THSD4: variants seen among roughly 807,000 people sequenced by gnomAD.
The protein encoded by THSD4 is thrombospondin type-1 domain-containing protein 4.
In THSD4, 69 loss-of-function variants were observed where a neutral mutation model predicts 119.0. That is an observed-to-expected ratio of 0.58 (90% CI 0.48 to 0.71). The LOEUF is 0.71. Among genes scored for constraint, THSD4 ranks in the 30% least tolerant of loss-of-function variants. THSD4 has a pLI of 0.00. For missense variants in THSD4, 1,393 were observed against 1,391.1 expected (o/e 1.00, Z -0.02); for synonymous variants, 524 against 540.4 (o/e 0.97, Z 0.42).
intron 7 of THSD4, among the ~76,000 whole-genome samples, chr15:71,452,284 C>T (rs985411402): frequency 3.3e-5 from 5 of 152,138 alleles, no homozygotes; most frequent in East Asian, 1.9e-4. Context: ...CTCCCATTTT[C>T]CCATTTGGGA....
intron 7 of THSD4, among the ~76,000 whole-genome samples, chr15:71,604,334 A>G (rs1259612787): frequency 1.3e-5 from 2 of 152,230 alleles, no homozygotes; most frequent in Non-Finnish European, 2.9e-5. Context: ...GCATTTTTAT[A>G]ACACTTTGTA....
chr15:71,180,963 A>G (rs1286693928), intron 3 of THSD4, among the ~76,000 whole-genome samples: 2 of 152,186 alleles, frequency 1.3e-5, no homozygotes, highest in East Asian at 3.8e-4. Flanking sequence ...AAAAGGAGGA[A>G]GAAGACAGTG....
At chr15:71,219,844 G>T (rs948895975) in intron 4 of THSD4, among the ~76,000 whole-genome samples, 2 of 152,192 alleles carry the variant, frequency 1.3e-5, no homozygotes, top group Admixed American at 6.5e-5. Context: ...ATTCAAAAGA[G>T]GTCTGCCAGA....
chr15:71,391,910 T>C (rs1229629620), intron 6 of THSD4, among the ~76,000 whole-genome samples: 1 of 152,082 alleles, frequency 6.6e-6, no homozygotes, highest in Non-Finnish European at 1.5e-5. Context: ...GGAAATAGAA[T>C]AATGAGACCC....
At position 71,536,400 on chromosome 15, in the gene THSD4, T is replaced by C. The variant is rs1178474658; in HGVS notation, c.1153-124130T>C. The stretch of plus-strand genomic sequence containing the variant: ...CACATTTAAGGAACCTTGTGATTAA[T>C]TGTGCCTACCTTGATAATCTAAAAT... On this transcript the variant is annotated intron_variant, in intron 7 of 17. Transcript: ENST00000261862. Among the ~76,000 whole-genome samples the C allele has an allele frequency of 5.3e-5, 8 of 152,310 alleles. No homozygotes were observed. In the East Asian group the frequency reaches 1.5e-3, roughly 29 times the overall value.
chr15:71,377,890 A>ACCCACC (rs1566961428), intron 6 of THSD4, among the ~76,000 whole-genome samples: 4 of 87,458 alleles, frequency 4.6e-5, no homozygotes, highest in Admixed American at 1.2e-4. Flanking sequence ...ACACACACAC[A>ACCCACC]CACACACACA....
chr15:71,469,877 C>A (rs917724889), intron 7 of THSD4, among the ~76,000 whole-genome samples: 1 of 152,068 alleles, frequency 6.6e-6, no homozygotes, highest in Non-Finnish European at 1.5e-5. Flanking sequence ...ACCATTGAGC[C>A]AATCTAGTGG....
At chr15:71,338,926 C>T (rs2045524879) in intron 6 of THSD4, among the ~76,000 whole-genome samples, 1 of 152,108 alleles carries the variant, frequency 6.6e-6, no homozygotes, top group Admixed American at 6.6e-5. Context: ...CAGTGAAGAC[C>T]TGTCTGTCCT....
At chr15:71,776,348 A>G (rs1236583212) in intron 17 of THSD4, among the ~76,000 whole-genome samples, 3 of 152,248 alleles carry the variant, frequency 2.0e-5, no homozygotes, top group African/African-American at 7.2e-5. Context: ...GATCAGATCC[A>G]TTAGATATAA....
chr15:71,254,287 T>G (rs546179720), intron 5 of THSD4, among the ~76,000 whole-genome samples: 1 of 152,348 alleles, frequency 6.6e-6, no homozygotes, highest in East Asian at 1.9e-4. Flanking sequence ...TCTGTGTCAC[T>G]GTGGAGCCTT....
At chr15:71,713,200 C>G (rs1398745557) in intron 8 of THSD4, among the ~76,000 whole-genome samples, 4 of 152,190 alleles carry the variant, frequency 2.6e-5, no homozygotes. Context: ...ATGCTCTGGT[C>G]CCTCCCATTG....
intron 7 of THSD4, among the ~76,000 whole-genome samples, chr15:71,511,678 C>T (rs2048285627): frequency 6.6e-6 from 1 of 152,172 alleles, no homozygotes; most frequent in Non-Finnish European, 1.5e-5. Flanking sequence ...CACTTAACTT[C>T]CCAAATTCTT....
At chr15:71,186,584 G>A (rs987781599) in intron 3 of THSD4, 1 of 152,304 alleles carries the variant, frequency 6.6e-6, no homozygotes, top group African/African-American at 2.4e-5. Context: ...AGGATCCACA[G>A]GGATGTTGAG....
intron 1 of THSD4, among the ~76,000 whole-genome samples, chr15:71,137,460 A>G (rs1228324941): frequency 6.6e-6 from 1 of 151,956 alleles, no homozygotes. Flanking sequence ...GGACTTTTAA[A>G]CTTTTCTGGC....
chr15:71,371,998 A>C (rs2046057438), intron 6 of THSD4, among the ~76,000 whole-genome samples: 1 of 151,946 alleles, frequency 6.6e-6, no homozygotes, highest in Non-Finnish European at 1.5e-5. Context: ...TTTTTTCTCT[A>C]AACTTCTCTT....
chr15:71,247,032 G>A (rs764132541), intron 5 of THSD4, among the ~76,000 whole-genome samples: 1 of 151,532 alleles, frequency 6.6e-6, no homozygotes, highest in East Asian at 1.9e-4. Context: ...CAAGTAGCTG[G>A]GATTACAGGT....
chr15:71,690,175 C>T (rs1386046860), intron 8 of THSD4, among the ~76,000 whole-genome samples: 1 of 152,208 alleles, frequency 6.6e-6, no homozygotes, highest in African/African-American at 2.4e-5. Context: ...GGCTCTGGCC[C>T]TGGAGTTGTA....
At chr15:71,145,085 C>T (rs1445534851) in intron 2 of THSD4, among the ~76,000 whole-genome samples, 1 of 151,560 alleles carries the variant, frequency 6.6e-6, no homozygotes, top group African/African-American at 2.4e-5. Flanking sequence ...ATAATTTTGT[C>T]CCTAGAACAG....
chr15:71,519,381 A>G (rs2048406883), intron 7 of THSD4, among the ~76,000 whole-genome samples: 1 of 152,042 alleles, frequency 6.6e-6, no homozygotes, highest in South Asian at 2.1e-4. Flanking sequence ...TTTTTTTGAG[A>G]CGGAGTCTCT....
Sources: gnomAD v4.1 joint callset for allele counts (sites outside exome capture counted in the v4.1 genomes callset) on GRCh38, gnomAD v4.1.1 for gene constraint, MANE v1.5 for transcripts, NCBI Gene and HGNC (gene_info 2026-07-23, HGNC 2026-07-21) for gene names.